RRP12: variants seen among roughly 807,000 people sequenced by gnomAD.
The protein encoded by RRP12 is RRP12-like protein.
RRP12 carries 78 observed loss-of-function variants against 157.3 expected under a neutral mutation model. That is an observed-to-expected ratio of 0.50 (90% CI 0.41 to 0.60). RRP12 has a LOEUF of 0.60. Ranked by LOEUF, RRP12 falls within the 20% of genes least tolerant of loss-of-function variation. The probability of loss-of-function intolerance (pLI) is 0.00; values close to 1 mark genes in which losing one functional copy is unlikely to be tolerated. For synonymous variants in RRP12, 726 were observed against 670.9 expected, an observed-to-expected ratio of 1.08 and a Z score of -1.27; for missense variants, 1,521 against 1,679.9, an observed-to-expected ratio of 0.91 and a Z score of 1.65.
chr10:97,379,189 T>C (rs1844392186), intron 15 of RRP12, 104 bp downstream of exon 15: 1 of 1,362,142 alleles, frequency 7.3e-7, no homozygotes, highest in African/African-American at 1.4e-5. Flanking sequence ...CCAAACGTCT[T>C]GAAGGCTGGG....
rs756184278 is a variant in RRP12, at chr10:97,366,155, C to T, written c.3470G>A (p.Arg1157Lys). The change falls in exon 29 of 34, where the codon AGG becomes AAG. Residue 1157 changes from arginine (R) to lysine (K), a missense_variant. Physicochemically the swap from Arg to Lys is conservative, Grantham distance 26. Coordinates refer to ENST00000370992, the MANE Select transcript of RRP12 (RefSeq NM_015179.4). ...KVSADGRLIIREEADGNKMEE... is the reference protein window; with the variant it reads ...KVSADGRLIIKEEADGNKMEE... Reference sequence around the variant, plus strand: ...CATCTTGTTGCCGTCTGCCTCCTCCCTTATGATCAGCCGGCCATCGGCGCT... The same window carrying T: ...CATCTTGTTGCCGTCTGCCTCCTCCTTTATGATCAGCCGGCCATCGGCGCT... 38 of 1,607,804 alleles carry T rather than the reference C, an allele frequency of 2.4e-5. No homozygotes were observed. Among genetic ancestry groups the T allele is most frequent in the Non-Finnish European group, 3.0e-5 (35 of 1,179,846 alleles).
chr10:97,393,806 G>A, intron 3 of RRP12, 46 bp from the exon 4 acceptor site: 1 of 1,496,040 alleles, frequency 6.7e-7, no homozygotes, highest in South Asian at 1.1e-5. Context: ...AACTTACACT[G>A]AGCAAACAGG....
rs1479660817 is a variant in RRP12 at position 97,385,161 on chromosome 10, C to T, written c.1208+5G>A. On this transcript the variant is annotated splice_donor_5th_base_variant and intron_variant, in intron 10 of 33. Transcript: ENST00000370992. ...AGGCCCTAAGCACCCCTCCTTCATC[C>T]GTACCTCACCAGGTTGATGTGGGCT... is the stretch of plus-strand genomic sequence containing the variant. 4 of 1,610,842 alleles carry T rather than the reference C, an allele frequency of 2.5e-6. No homozygotes were observed. The highest frequency in any genetic ancestry group is 3.4e-6 in the Non-Finnish European group (4 of 1,177,222).
chr10:97,363,829 C>A, intron 30 of RRP12, 25 bp downstream of exon 30: 1 of 1,606,230 alleles, frequency 6.2e-7, no homozygotes, highest in Middle Eastern at 1.7e-4. Flanking sequence ...GAAGCCCTAG[C>A]CCCCCATCTG....
chr10:97,400,547 G>C lies in RRP12; in HGVS notation c.140-13C>G. 1 of 1,606,648 alleles carries C rather than the reference G, an allele frequency of 6.2e-7. No homozygotes were observed. Among genetic ancestry groups the C allele is most frequent in the East Asian group, 2.2e-5 (1 of 44,848 alleles). On this transcript the variant is annotated splice_polypyrimidine_tract_variant and intron_variant, in intron 1 of 33. Coordinates refer to ENST00000370992, the MANE Select transcript of RRP12 (RefSeq NM_015179.4). ...AGGTCACTCCTTCCTGAGAGCCAGA[G>C]GCACAAGATAAGGTCCAAGCCTCCT...
rs1844208441 is a variant in RRP12 at position 97,373,187 on chromosome 10, A to T, written c.2040T>A (p.Ala680=). ...TKGCQAEADR[A]EVSRFAKNFL... Reference sequence around the variant, plus strand: ...AGTTCTTGGCAAAGCGACTCACTTCAGCACGGTCAGCCTCTGGTAAAAGGA... The same window carrying T: ...AGTTCTTGGCAAAGCGACTCACTTCTGCACGGTCAGCCTCTGGTAAAAGGA... Residue 680 remains alanine, a synonymous_variant, in exon 18 of 34, where the codon GCT becomes GCA. Coordinates refer to ENST00000370992, the MANE Select transcript of RRP12 (RefSeq NM_015179.4). The T allele has an allele frequency of 6.2e-7, 1 of 1,614,072 alleles. No homozygotes were observed. The highest frequency in any genetic ancestry group is 1.3e-5 in the African/African-American group (1 of 74,936).
chr10:97,366,364 A>G, intron 28 of RRP12, 82 bp downstream of exon 28: 2 of 1,553,738 alleles, frequency 1.3e-6, no homozygotes, highest in Admixed American at 1.9e-5. Context: ...CCTGCCATGG[A>G]TGCCACCCCC....
chr10:97,372,251 G>C (rs546795407), intron 19 of RRP12, 85 bp from the exon 20 acceptor site: 2 of 999,142 alleles, frequency 2.0e-6, no homozygotes, highest in South Asian at 1.5e-5. Flanking sequence ...ACTGGGTATG[G>C]GGAGGTGGGA....
In RRP12 at chr10:97,401,286, G is replaced by C. The variant is rs892983254; in HGVS notation, c.-55C>G. The C allele has an allele frequency of 1.2e-6, 2 of 1,609,190 alleles. No homozygotes were observed. Among genetic ancestry groups the C allele is most frequent in the African/African-American group, 2.7e-5 (2 of 74,814 alleles). ...TAAATGACCGGCTTCCAGGGACGTA[G>C]AAACACGCTCAGAACCCACGTGGAT... is the stretch of plus-strand genomic sequence containing the variant. On this transcript the variant is annotated 5_prime_UTR_variant, in exon 1 of 34. Transcript: ENST00000370992.
At chr10:97,390,583 G>T in intron 5 of RRP12, 44 bp from the exon 6 acceptor site, 1 of 1,509,522 alleles carries the variant, frequency 6.6e-7, no homozygotes, top group Non-Finnish European at 9.2e-7. Flanking sequence ...GCCTCGGCCA[G>T]GAGGGAAAAG....
At chr10:97,363,773 C>G (rs1370764052) in intron 30 of RRP12, 81 bp downstream of exon 30, 10 of 1,255,104 alleles carry the variant, frequency 8.0e-6, no homozygotes, top group Non-Finnish European at 9.4e-6. Context: ...GTTCCAATGT[C>G]TACGTGTGGT....
At chr10:97,392,326 T>C (rs996024212) in intron 4 of RRP12, among the ~76,000 whole-genome samples, 1 of 151,990 alleles carries the variant, frequency 6.6e-6, no homozygotes, top group African/African-American at 2.4e-5. Context: ...TCTTAAAGAA[T>C]CAAGGTTTTT....
intron 4 of RRP12, 50 bp downstream of exon 4, chr10:97,393,634 T>C (rs1844873004): frequency 2.2e-6 from 3 of 1,373,202 alleles, no homozygotes; most frequent in Admixed American, 1.7e-5. Context: ...CCACATTCCC[T>C]TCTCCCCTCC....
At chr10:97,364,731 G>C (rs1257550541) in intron 29 of RRP12, among the ~76,000 whole-genome samples, 2 of 152,170 alleles carry the variant, frequency 1.3e-5, no homozygotes, top group Non-Finnish European at 2.9e-5. Context: ...GAAAGCACAT[G>C]ACCAAGGGCT....
Position 97,385,209 on chromosome 10 carries a change from C to G in RRP12, c.1165G>C (p.Ala389Pro). ...GCTTTCTCCATGACCTTAAGCCAGGCTAGCAGGGGTTGTAAATCATTCTCA... is the reference window on the plus strand; with the variant it reads ...GCTTTCTCCATGACCTTAAGCCAGGGTAGCAGGGGTTGTAAATCATTCTCA... ...PSENDLQPLL[A>P]WLKVMEKAHI... Residue 389 changes from alanine (A) to proline (P), a missense_variant, in exon 10 of 34, where the codon GCC becomes CCC. By Grantham distance (27) the Ala-to-Pro change is conservative (BLOSUM62 -1). Coordinates refer to ENST00000370992, the MANE Select transcript of RRP12 (RefSeq NM_015179.4). 2 of 1,614,124 alleles carry G rather than the reference C, an allele frequency of 1.2e-6. No homozygotes were observed. Among genetic ancestry groups the G allele is most frequent in the Non-Finnish European group, 1.7e-6 (2 of 1,179,972 alleles).
chr10:97,387,328 CTTTT>C (rs1284046591), intron 8 of RRP12, among the ~76,000 whole-genome samples: 267 of 146,652 alleles, frequency 1.8e-3, no homozygotes, highest in African/African-American at 6.6e-3. Context: ...CCTTTTTTTT[CTTTT>C]TCCTTTTTTT....
chr10:97,358,903 C>A (rs1843775878), intron 32 of RRP12, 40 bp downstream of exon 32: 2 of 1,543,820 alleles, frequency 1.3e-6, no homozygotes, highest in Admixed American at 1.7e-5. Flanking sequence ...TGGCACCTGT[C>A]CAGTGCCAGG....
chr10:97,360,366 C>A (rs185394504), intron 31 of RRP12, among the ~76,000 whole-genome samples, 180 bp downstream of exon 31: 2 of 152,286 alleles, frequency 1.3e-5, no homozygotes, highest in African/African-American at 4.8e-5. Flanking sequence ...TCTCACACCC[C>A]CAGGGCCCCT....
In RRP12 at chr10:97,366,574, T is replaced by C. The variant is rs1843987747; in HGVS notation, c.3263A>G (p.Glu1088Gly). Reference sequence around the variant, plus strand: ...CTCCTTGCCTCGGCTTCTTTCCTCCTCCTCATTGTCCTCCTCGTCCTCTGA... The same window carrying C: ...CTCCTTGCCTCGGCTTCTTTCCTCCCCCTCATTGTCCTCCTCGTCCTCTGA... ...ADSEDEEDNEEEERSRGKEQR... is the reference protein window; with the variant it reads ...ADSEDEEDNEGEERSRGKEQR... The change falls in exon 28 of 34, where the codon GAG (glutamate) becomes GGG (glycine). Residue 1088 changes from glutamate (E) to glycine (G), a missense_variant. Transcript: ENST00000370992. The C allele has an allele frequency of 6.2e-7, 1 of 1,614,062 alleles. No individual in the cohort carries two copies. Among genetic ancestry groups the C allele is most frequent in the East Asian group, 2.2e-5 (1 of 44,876 alleles).
Sources: allele counts gnomAD v4.1 joint callset (sites outside exome capture counted in the v4.1 genomes callset), GRCh38; gene constraint gnomAD v4.1.1; transcripts MANE v1.5; gene names NCBI Gene and HGNC (gene_info 2026-07-23, HGNC 2026-07-21).